PKN2: variants seen among roughly 807,000 people sequenced by gnomAD.
PKN2 encodes serine/threonine-protein kinase N2.
A neutral mutation model predicts 119.1 loss-of-function variants in PKN2; 38 were observed. The observed-to-expected ratio is 0.32, with a 90% CI of 0.25 to 0.42. The LOEUF (loss-of-function observed/expected upper bound fraction) is 0.42. Among genes scored for constraint, PKN2 ranks in the 10% least tolerant of loss-of-function variants. The pLI is 1.00. For synonymous variants in PKN2, 390 were observed against 384.9 expected, an observed-to-expected ratio of 1.01 and a Z score of -0.15; for missense variants, 850 against 1,165.1, an observed-to-expected ratio of 0.73 and a Z score of 3.94.
At chr1:88,748,789 G>A (rs1431417521) in intron 2 of PKN2, among the ~76,000 whole-genome samples, 1 of 151,934 alleles carries the variant, frequency 6.6e-6, no homozygotes, top group Non-Finnish European at 1.5e-5. Flanking sequence ...TTAAAAATTA[G>A]CCAAGTATGG....
intron 18 of PKN2, among the ~76,000 whole-genome samples, chr1:88,827,795 C>T (rs904114098): frequency 1.4e-4 from 22 of 152,036 alleles, no homozygotes; most frequent in Non-Finnish European, 1.2e-4. Flanking sequence ...TCTCAGCTCA[C>T]TGCAGCCTCC....
intron 1 of PKN2, among the ~76,000 whole-genome samples, chr1:88,712,866 G>A (rs1011716834): frequency 5.9e-5 from 9 of 152,070 alleles, no homozygotes; most frequent in Non-Finnish European, 1.3e-4. Flanking sequence ...ATGTTGGTGT[G>A]CTGCACCCAT....
At chr1:88,816,394 G>A (rs980684144) in intron 16 of PKN2, among the ~76,000 whole-genome samples, 7 of 151,880 alleles carry the variant, frequency 4.6e-5, no homozygotes, top group Middle Eastern at 3.4e-3. Context: ...CTACAGGCGC[G>A]TGCCACCATG....
intron 8 of PKN2, among the ~76,000 whole-genome samples, chr1:88,789,573 A>C (rs1474879684): frequency 6.6e-6 from 1 of 151,648 alleles, no homozygotes; most frequent in Non-Finnish European, 1.5e-5. Context: ...TGAGGCTGAG[A>C]CTCTGCTTAA....
chr1:88,771,831 T>C lies in PKN2; in HGVS notation c.937T>C (p.Ser313Pro), dbSNP rs756389305. The C allele has an allele frequency of 6.2e-7, 1 of 1,614,012 alleles. No individual in the cohort carries two copies. The highest frequency in any genetic ancestry group is 8.5e-7 in the Non-Finnish European group (1 of 1,179,944). The change falls in exon 6 of 22, where the codon TCT becomes CCT. Residue 313 changes from serine to proline, a missense_variant. By Grantham distance (74) the Ser-to-Pro change is moderately conservative. This residue lies in a region of PKN2 where 350 missense variants were observed against 511.1 expected (regional missense o/e 0.68). Coordinates refer to ENST00000370521, the MANE Select transcript of PKN2 (RefSeq NM_006256.4). Reference sequence around the variant, plus strand: ...ACTAAGTCCACGTCAAAGTATGATATCTACGCAAAATCAATATAGTACACT... The same window carrying C: ...ACTAAGTCCACGTCAAAGTATGATACCTACGCAAAATCAATATAGTACACT... ...PTLSPRQSMI[S>P]TQNQYSTLSK...
At position 88,807,320 on chromosome 1, in the gene PKN2, A is replaced by G; in HGVS notation, c.1811A>G (p.Glu604Gly). ...GTATTTAATATTTTACAGGATTCAG[A>G]GACTGTTTTTGATATTCAGAATGAC... ...RVLDIPGQDS[E>G]TVFDIQNDRN... The change falls in exon 13 of 22, where the codon GAG becomes GGG. Residue 604 changes from glutamate to glycine, a missense_variant. By Grantham distance (98) the Glu-to-Gly change is moderately conservative. Transcript: ENST00000370521. The G allele has an allele frequency of 6.4e-7, 1 of 1,559,910 alleles. No individual in the cohort carries two copies. Among genetic ancestry groups the G allele is most frequent in the Non-Finnish European group, 8.8e-7 (1 of 1,142,574 alleles).
chr1:88,783,926 A>G (rs566768097), intron 6 of PKN2, among the ~76,000 whole-genome samples: 6 of 152,296 alleles, frequency 3.9e-5, no homozygotes, highest in South Asian at 2.1e-4. Flanking sequence ...AAAACCCTGT[A>G]AAGTTCTTTT....
At chr1:88,752,964 TTCTTG>T (rs1669059180) in intron 2 of PKN2, among the ~76,000 whole-genome samples, 2 of 152,164 alleles carry the variant, frequency 1.3e-5, no homozygotes, top group Non-Finnish European at 2.9e-5. Context: ...TTCTTTTTCT[TTCTTG>T]TCATTTTTAG....
chr1:88,713,352 C>A (rs893083434), intron 1 of PKN2, among the ~76,000 whole-genome samples: 1 of 152,166 alleles, frequency 6.6e-6, no homozygotes, highest in African/African-American at 2.4e-5. Context: ...AATTGCCACT[C>A]TTCTCTTCCA....
intron 8 of PKN2, among the ~76,000 whole-genome samples, chr1:88,802,357 G>A (rs1045605679): frequency 5.3e-5 from 8 of 150,318 alleles, no homozygotes; most frequent in Admixed American, 3.3e-4. Context: ...ACAGGGTCTC[G>A]CTCTGTTGCC....
intron 7 of PKN2, among the ~76,000 whole-genome samples, chr1:88,785,232 G>T (rs1390669905): frequency 6.6e-6 from 1 of 152,094 alleles, no homozygotes; most frequent in Non-Finnish European, 1.5e-5. Flanking sequence ...GGGTTTAAGT[G>T]ATCCTCCTAC....
At chr1:88,739,438 A>G (rs185364763) in intron 1 of PKN2, among the ~76,000 whole-genome samples, 4 of 152,320 alleles carry the variant, frequency 2.6e-5, no homozygotes, top group African/African-American at 9.6e-5. Flanking sequence ...CCTTTTCACT[A>G]TTTTGCATGA....
At chr1:88,717,621 A>G (rs1259348011) in intron 1 of PKN2, among the ~76,000 whole-genome samples, 1 of 151,802 alleles carries the variant, frequency 6.6e-6, no homozygotes, top group Non-Finnish European at 1.5e-5. Context: ...CGTAGTTCTC[A>G]TGCCATGGTT....
intron 1 of PKN2, among the ~76,000 whole-genome samples, chr1:88,688,353 G>A (rs1666189510): frequency 6.6e-6 from 1 of 152,122 alleles, no homozygotes; most frequent in East Asian, 1.9e-4. Flanking sequence ...CCAAAGTGCT[G>A]GGATTACAGG....
At chr1:88,774,524 T>C (rs1670011591) in intron 6 of PKN2, among the ~76,000 whole-genome samples, 1 of 152,082 alleles carries the variant, frequency 6.6e-6, no homozygotes, top group Admixed American at 6.5e-5. Flanking sequence ...TGGGGGAAAT[T>C]CCAAAGGTTT....
chr1:88,738,264 A>C (rs1011273868), intron 1 of PKN2, among the ~76,000 whole-genome samples: 1 of 152,236 alleles, frequency 6.6e-6, no homozygotes, highest in African/African-American at 2.4e-5. Flanking sequence ...GATAAAAAAA[A>C]GGGGTAATTG....
At chr1:88,794,457 TA>T (rs2100849538) in intron 8 of PKN2, among the ~76,000 whole-genome samples, 1 of 151,922 alleles carries the variant, frequency 6.6e-6, no homozygotes, top group East Asian at 1.9e-4. Flanking sequence ...CTAGAATAAT[TA>T]GCCAAGTTTG....
In PKN2 at chr1:88,805,971, A is replaced by C; in HGVS notation, c.1757A>C (p.Glu586Ala). ...CCACCACGAGCTTCTTCTCTTGGAG[A>C]AATAGATGAATCTTCTGAATTAAGA... Reference protein sequence around the residue: ...PAPPRASSLGEIDESSELRVL... With the variant: ...PAPPRASSLGAIDESSELRVL... The change falls in exon 12 of 22, where the codon GAA becomes GCA. Residue 586 changes from glutamate to alanine, a missense_variant. Coordinates refer to ENST00000370521, the MANE Select transcript of PKN2 (RefSeq NM_006256.4). 6.2e-7 allele frequency: 1 copy of C among 1,613,210 alleles called. No individual in the cohort carries two copies. The highest frequency in any genetic ancestry group is 8.5e-7 in the Non-Finnish European group (1 of 1,179,184).
At chr1:88,794,292 G>A (rs895913236) in intron 8 of PKN2, among the ~76,000 whole-genome samples, 3 of 151,304 alleles carry the variant, frequency 2.0e-5, no homozygotes, top group Non-Finnish European at 2.9e-5. Context: ...ACTTGAACCC[G>A]AGAGGCGGAG....
Sources: allele counts gnomAD v4.1 joint callset (sites outside exome capture counted in the v4.1 genomes callset), GRCh38; gene constraint gnomAD v4.1.1; regional missense constraint gnomAD v4.1.1; transcripts MANE v1.5; gene names NCBI Gene and HGNC (gene_info 2026-07-23, HGNC 2026-07-21).